Variants in KLHL29 observed in about 807,000 individuals in gnomAD.
The protein encoded by KLHL29 is kelch-like protein 29.
A neutral mutation model predicts 80.4 loss-of-function variants in KLHL29; 21 were observed. The ratio of observed to expected loss-of-function variants is 0.26; its 90% CI spans 0.19 to 0.38. KLHL29 has a LOEUF of 0.38. Among genes scored for constraint, KLHL29 ranks in the 10% least tolerant of loss-of-function variants. The pLI is 1.00. For synonymous variants in KLHL29, 511 were observed against 526.8 expected, an observed-to-expected ratio of 0.97 and a Z score of 0.41; for missense variants, 867 against 1,223.9, an observed-to-expected ratio of 0.71 and a Z score of 4.35.
chr2:23,681,017 G>A lies in KLHL29; in HGVS notation c.941-3382G>A, dbSNP rs1011393099. Among the ~76,000 whole-genome samples, 1 of 152,218 alleles carries A rather than the reference G, an allele frequency of 6.6e-6. No homozygotes were observed. Among genetic ancestry groups the A allele is most frequent in the Non-Finnish European group, 1.5e-5 (1 of 68,034 alleles). On this transcript the variant is annotated intron_variant, in intron 5 of 13. Coordinates refer to ENST00000486442, the MANE Select transcript of KLHL29 (RefSeq NM_052920.2). This position sits in a 1 kb window ranked among gnomAD's most constrained non-coding sequence, Gnocchi z 4.2. ...ACTTGGAAGCTTCTCAGAGATCAGGGAGTGTCCTTTGCCAAAACATGGGGC... is the reference window on the plus strand; with the variant it reads ...ACTTGGAAGCTTCTCAGAGATCAGGAAGTGTCCTTTGCCAAAACATGGGGC...
chr2:23,658,299 C>T (rs1396788979), intron 5 of KLHL29, among the ~76,000 whole-genome samples: 4 of 152,122 alleles, frequency 2.6e-5, no homozygotes, highest in Non-Finnish European at 5.9e-5. Context: ...GAGGAAAACC[C>T]CCTGAGCCCT....
chr2:23,592,521 G>A lies in KLHL29; in HGVS notation c.285+30040G>A, dbSNP rs1410026554. Among the ~76,000 whole-genome samples, 5 of 152,232 alleles carry A rather than the reference G, an allele frequency of 3.3e-5. No homozygotes were observed. The South Asian group carries it at 6.2e-4, about 19-fold the overall frequency. ...CTCAGGGTCCACATGGCCGCAGGCC[G>A]GGGGCCTCTCCAGGAGCACAGAGAT... On this transcript the variant is annotated intron_variant, in intron 3 of 13. Coordinates refer to ENST00000486442, the MANE Select transcript of KLHL29 (RefSeq NM_052920.2).
chr2:23,619,502 A>G (rs1257357815), intron 3 of KLHL29, among the ~76,000 whole-genome samples: 1 of 152,152 alleles, frequency 6.6e-6, no homozygotes, highest in East Asian at 1.9e-4. Context: ...GGGCACTGAC[A>G]CTGATGTGAG....
chr2:23,698,555 T>C (rs1672138644), intron 11 of KLHL29, among the ~76,000 whole-genome samples: 1 of 119,840 alleles, frequency 8.3e-6, no homozygotes, highest in South Asian at 2.9e-4. Context: ...GAATGAGATA[T>C]ATGGTGCATT....
chr2:23,533,601 AG>A (rs1278624140), intron 2 of KLHL29, among the ~76,000 whole-genome samples: 1 of 152,276 alleles, frequency 6.6e-6, no homozygotes, highest in East Asian at 1.9e-4. Context: ...GCTCCCTGAA[AG>A]CTCCTTCCCT....
At chr2:23,641,084 G>A (rs1220919450) in intron 4 of KLHL29, among the ~76,000 whole-genome samples, 1 of 152,000 alleles carries the variant, frequency 6.6e-6, no homozygotes, top group Non-Finnish European at 1.5e-5. Flanking sequence ...TGAAAACCAA[G>A]GTACCATTTG....
chr2:23,663,121 C>A (rs1268761550), intron 5 of KLHL29, among the ~76,000 whole-genome samples: 1 of 152,156 alleles, frequency 6.6e-6, no homozygotes, highest in African/African-American at 2.4e-5. Flanking sequence ...CCTACCGCGC[C>A]CTGCTCCTCG....
chr2:23,486,009 G>A (rs567584168), intron 2 of KLHL29, among the ~76,000 whole-genome samples: 2 of 152,168 alleles, frequency 1.3e-5, no homozygotes, highest in East Asian at 3.9e-4. Flanking sequence ...GGAAGGTGTC[G>A]GCATGCCCAC....
At chr2:23,431,710 G>A (rs182226131) in intron 1 of KLHL29, among the ~76,000 whole-genome samples, 12 of 152,108 alleles carry the variant, frequency 7.9e-5, no homozygotes, top group Non-Finnish European at 1.8e-4. Context: ...TGGCTAACAC[G>A]GTGAAACCCC....
At chr2:23,666,365 C>T (rs987010085) in intron 5 of KLHL29, among the ~76,000 whole-genome samples, 7 of 152,210 alleles carry the variant, frequency 4.6e-5, no homozygotes, top group African/African-American at 1.7e-4. Context: ...CCTTGCCAAG[C>T]TCCCTCCACC....
intron 5 of KLHL29, among the ~76,000 whole-genome samples, chr2:23,662,918 G>T (rs1222352665): frequency 6.6e-6 from 1 of 152,208 alleles, no homozygotes; most frequent in Non-Finnish European, 1.5e-5. Context: ...AGCAGAACCG[G>T]ATTCAAATCT....
At chr2:23,641,116 G>A (rs544901482) in intron 4 of KLHL29, among the ~76,000 whole-genome samples, 2 of 152,250 alleles carry the variant, frequency 1.3e-5, no homozygotes, top group Admixed American at 6.5e-5. Flanking sequence ...CCTGGACCCA[G>A]GCTCATTTAG....
At chr2:23,616,312 G>A (rs1669003043) in intron 3 of KLHL29, among the ~76,000 whole-genome samples, 1 of 152,180 alleles carries the variant, frequency 6.6e-6, no homozygotes, top group Non-Finnish European at 1.5e-5. Context: ...TGCGGAGGTT[G>A]TGGGAGCCTT....
intron 1 of KLHL29, among the ~76,000 whole-genome samples, chr2:23,392,570 C>A (rs1558321497): frequency 6.6e-6 from 1 of 152,182 alleles, no homozygotes; most frequent in Non-Finnish European, 1.5e-5. Context: ...TATATTATCT[C>A]TAATCCTCAT....
intron 2 of KLHL29, among the ~76,000 whole-genome samples, chr2:23,527,770 G>C (rs1200596195): frequency 6.6e-6 from 1 of 152,166 alleles, no homozygotes; most frequent in Non-Finnish European, 1.5e-5. Context: ...TACACCCCAA[G>C]CCTCCATAGG....
At chr2:23,439,072 T>G (rs1333982743) in intron 1 of KLHL29, among the ~76,000 whole-genome samples, 2 of 150,468 alleles carry the variant, frequency 1.3e-5, no homozygotes, top group African/African-American at 4.9e-5. Context: ...TATCCATTTC[T>G]TCTAGATTTT....
intron 1 of KLHL29, among the ~76,000 whole-genome samples, chr2:23,386,258 C>G (rs568103132): frequency 6.6e-6 from 1 of 152,096 alleles, no homozygotes; most frequent in African/African-American, 2.4e-5. Context: ...GGGAGGTGCG[C>G]GCCTCTGTGC....
chr2:23,434,297 G>A (rs929685665), intron 1 of KLHL29, among the ~76,000 whole-genome samples: 2 of 142,534 alleles, frequency 1.4e-5, no homozygotes, highest in African/African-American at 5.3e-5. Flanking sequence ...CTCCAACCTG[G>A]GAGACACAGC....
chr2:23,576,726 C>G (rs747805371), intron 3 of KLHL29, among the ~76,000 whole-genome samples: 1 of 152,176 alleles, frequency 6.6e-6, no homozygotes, highest in Non-Finnish European at 1.5e-5. Context: ...AATTAGTAAC[C>G]GCCGCGTCCA....
Sources: allele counts gnomAD v4.1 joint callset (sites outside exome capture counted in the v4.1 genomes callset), GRCh38; gene constraint gnomAD v4.1.1; non-coding constraint Gnocchi (gnomAD v3.1); transcripts MANE v1.5; gene names NCBI Gene and HGNC (gene_info 2026-07-23, HGNC 2026-07-21).